The following PXDNL variants were observed in gnomAD, a reference collection of about 807,000 sequenced individuals.
PXDNL encodes the protein probable oxidoreductase PXDNL.
Under a neutral mutation model 150.8 loss-of-function variants are expected in PXDNL, and 145 were observed. The ratio of observed to expected loss-of-function variants is 0.96; its 90% confidence interval spans 0.84 to 1.10. PXDNL has a LOEUF of 1.10. PXDNL is among the 50% of genes least tolerant of loss of function. The pLI, the probability that PXDNL is intolerant of heterozygous loss-of-function variation, is 0.00. For synonymous variants in PXDNL, 757 were observed against 725.7 expected (o/e 1.04, Z -0.69); for missense variants, 2,087 against 1,873.9 (o/e 1.11, Z -2.10).
At chr8:51,627,135 T>C (rs192927601) in intron 2 of PXDNL, among the ~76,000 whole-genome samples, 1 of 152,308 alleles carries the variant, frequency 6.6e-6, no homozygotes, top group East Asian at 1.9e-4. Context: ...TCATGAACCA[T>C]GTGTAAAGTA....
Position 51,809,436 on chromosome 8 carries a change from C to T in PXDNL, c.-92G>A. The T allele has an allele frequency of 2.3e-6, 3 of 1,314,804 alleles. No homozygotes were observed. The highest frequency in any genetic ancestry group is 2.7e-4 in the Middle Eastern group (1 of 3,666). 81.4% of individuals were successfully genotyped at this position (1,314,804 alleles called of 1,614,324 possible). A position where few individuals can be genotyped will look rare whatever the true frequency, so the allele number is the denominator to read the frequency against. ...GCAACCGCAGTGGTGGTGATGGTGG[C>T]TGCTGGACTGAGCCAAGTTTGGGAG... is the stretch of plus-strand genomic sequence containing the variant. On this transcript the variant is annotated 5_prime_UTR_variant, in exon 1 of 23. Coordinates refer to ENST00000356297, the MANE Select transcript of PXDNL (RefSeq NM_144651.5).
At chr8:51,710,487 T>C (rs1366554467) in intron 1 of PXDNL, among the ~76,000 whole-genome samples, 3 of 152,208 alleles carry the variant, frequency 2.0e-5, no homozygotes, top group Non-Finnish European at 4.4e-5. Context: ...AATTTTCAAA[T>C]ATACAATACA....
At chr8:51,602,137 A>G (rs1428355955) in intron 2 of PXDNL, among the ~76,000 whole-genome samples, 1 of 151,776 alleles carries the variant, frequency 6.6e-6, no homozygotes, top group African/African-American at 2.4e-5. Context: ...GATTTTGGAC[A>G]GTCTGGTGAC....
At chr8:51,651,217 T>A (rs1235476174) in intron 2 of PXDNL, among the ~76,000 whole-genome samples, 1 of 152,184 alleles carries the variant, frequency 6.6e-6, no homozygotes, top group Non-Finnish European at 1.5e-5. Context: ...ATAGCTTACC[T>A]AGGAATAAAG....
rs532863542 is a variant in PXDNL, at chr8:51,408,715, A to G, written c.2909T>C (p.Met970Thr). ...GTGTTCCCGGAACCACAGGGTGTGC[A>G]TGGCGGCCAGAGCCAGATGCTCGTT... ...RANEHLALAA[M>T]HTLWFREHNR... The change falls in exon 17 of 23, where the codon ATG becomes ACG. Residue 970 changes from methionine to threonine, a missense_variant. Physicochemically the swap from Met to Thr is moderately conservative, Grantham distance 81. Coordinates refer to ENST00000356297, the MANE Select transcript of PXDNL (RefSeq NM_144651.5). The G allele has an allele frequency of 1.3e-6, 2 of 1,593,220 alleles. No individual in the cohort carries two copies. The highest frequency in any genetic ancestry group is 3.5e-5 in the Admixed American group (2 of 56,996).
At chr8:51,517,300 A>G (rs1200185068) in intron 4 of PXDNL, among the ~76,000 whole-genome samples, 1 of 152,216 alleles carries the variant, frequency 6.6e-6, no homozygotes, top group Non-Finnish European at 1.5e-5. Context: ...ATTGTTTTAT[A>G]GCAATGAAAT....
chr8:51,415,498 C>A (rs1269114124), intron 14 of PXDNL, among the ~76,000 whole-genome samples: 1 of 152,112 alleles, frequency 6.6e-6, no homozygotes, highest in Non-Finnish European at 1.5e-5. Context: ...AGAATTCACT[C>A]ATTATCACAA....
intron 1 of PXDNL, among the ~76,000 whole-genome samples, chr8:51,794,727 T>G (rs1453345604): frequency 1.3e-5 from 2 of 152,094 alleles, no homozygotes; most frequent in Admixed American, 1.3e-4. Flanking sequence ...CAAAGACCAA[T>G]GACACTGTGA....
At chr8:51,520,756 A>G (rs7841888) in intron 4 of PXDNL, among the ~76,000 whole-genome samples, 3,630 of 152,200 alleles carry the variant, frequency 0.024, 150 homozygotes, top group African/African-American at 0.082. Flanking sequence ...TGAAGCCTGC[A>G]TACCTCAGCA....
intron 12 of PXDNL, among the ~76,000 whole-genome samples, chr8:51,436,718 G>A (rs567195978): frequency 6.6e-6 from 1 of 152,188 alleles, no homozygotes; most frequent in Non-Finnish European, 1.5e-5. Context: ...GCGCTAAGAG[G>A]GAAGTTCATA....
At chr8:51,366,570 G>A (rs76626789) in intron 19 of PXDNL, among the ~76,000 whole-genome samples, 35 of 151,538 alleles carry the variant, frequency 2.3e-4, no homozygotes, top group African/African-American at 7.7e-4. Flanking sequence ...TAGAAGATAC[G>A]TTTTACGTAT....
chr8:51,451,790 C>T (rs1302505200), intron 10 of PXDNL, among the ~76,000 whole-genome samples: 1 of 152,142 alleles, frequency 6.6e-6, no homozygotes, highest in Non-Finnish European at 1.5e-5. Flanking sequence ...CAAAAGGATA[C>T]ATCTTAAAAT....
At chr8:51,349,176 G>T (rs112433186) in intron 19 of PXDNL, among the ~76,000 whole-genome samples, 53 of 150,376 alleles carry the variant, frequency 3.5e-4, no homozygotes, top group East Asian at 2.3e-3. Flanking sequence ...TGTGTGTGGG[G>T]GTGTGTGTGT....
chr8:51,600,434 A>T (rs919488388), intron 2 of PXDNL, among the ~76,000 whole-genome samples: 2 of 136,630 alleles, frequency 1.5e-5, no homozygotes, highest in African/African-American at 5.4e-5. Context: ...ATAATAAATT[A>T]TATCTTATAT....
At chr8:51,457,711 T>C (rs1243375696) in intron 8 of PXDNL, 44 bp from the exon 9 acceptor site, 3 of 1,489,160 alleles carry the variant, frequency 2.0e-6, no homozygotes, top group East Asian at 2.3e-5. Flanking sequence ...ATCCCATTCA[T>C]GTTTAAAACT....
chr8:51,337,605 A>G (rs1026814412), intron 21 of PXDNL, among the ~76,000 whole-genome samples: 9 of 152,208 alleles, frequency 5.9e-5, no homozygotes, highest in South Asian at 2.1e-4. Flanking sequence ...TGGGCTGGGC[A>G]TGGTGGCTCA....
chr8:51,756,101 A>T (rs1306289530), intron 1 of PXDNL, among the ~76,000 whole-genome samples: 1 of 152,198 alleles, frequency 6.6e-6, no homozygotes. Context: ...TCTTAAAAAA[A>T]ATCTGAATTC....
intron 21 of PXDNL, among the ~76,000 whole-genome samples, chr8:51,333,593 C>A (rs7000176): frequency 0.22 from 34,004 of 152,028 alleles, 3,919 homozygotes; most frequent in Middle Eastern, 0.3. Context: ...TATCTGCTGC[C>A]TTCAGGAGAC....
intron 2 of PXDNL, among the ~76,000 whole-genome samples, chr8:51,644,349 C>CATATGTAT (rs2130784436): frequency 2.2e-5 from 1 of 44,628 alleles, no homozygotes; most frequent in Non-Finnish European, 6.2e-5. Context: ...CACACACACA[C>CATATGTAT]ACACACACAC....
Sources: allele counts gnomAD v4.1 joint callset (sites outside exome capture counted in the v4.1 genomes callset), GRCh38; gene constraint gnomAD v4.1.1; transcripts MANE v1.5; gene names NCBI Gene and HGNC (gene_info 2026-07-23, HGNC 2026-07-21).